Variants in PLXNB2 observed in about 807,000 individuals in gnomAD.
PLXNB2 encodes plexin B2, also known as plexin-B2.
PLXNB2 carries 85 observed loss-of-function variants against 202.6 expected under a neutral mutation model. That is an observed-to-expected ratio of 0.42 (90% CI 0.35 to 0.50). The LOEUF is 0.50. PLXNB2 is among the 20% of genes least tolerant of loss of function. The pLI, the probability that PLXNB2 is intolerant of heterozygous loss-of-function variation, is 0.02. For missense variants in PLXNB2, 2,063 were observed against 2,586.2 expected, an observed-to-expected ratio of 0.80 and a Z score of 4.39; for synonymous variants, 1,239 against 1,137.6, an observed-to-expected ratio of 1.09 and a Z score of -1.79.
chr22:50,277,831 C>G (rs373840978), intron 32 of PLXNB2, 22 bp downstream of exon 32: 3 of 1,608,086 alleles, frequency 1.9e-6, no homozygotes, highest in African/African-American at 1.3e-5. Flanking sequence ...GGCTGGGCCG[C>G]GGGGTGGGTG....
rs1317753302 is a variant in PLXNB2 at position 50,297,321 on chromosome 22, C to T, written c.-73-2543G>A. Among the ~76,000 whole-genome samples, 2 of 152,162 alleles carry T rather than the reference C, an allele frequency of 1.3e-5. No homozygotes were observed. The highest frequency in any genetic ancestry group is 2.9e-5 in the Non-Finnish European group (2 of 68,000). On this transcript the variant is annotated intron_variant, in intron 1 of 36. Transcript: ENST00000359337. This position sits in a 1 kb window ranked among gnomAD's most constrained non-coding sequence, Gnocchi z 5.3. ...GGCAGCCAAGGTCAGGGGAGGCTGGCTTCTGTCCCGCCCATCCCGCACGCC... is the reference window on the plus strand; with the variant it reads ...GGCAGCCAAGGTCAGGGGAGGCTGGTTTCTGTCCCGCCCATCCCGCACGCC...
intron 1 of PLXNB2, among the ~76,000 whole-genome samples, chr22:50,295,275 C>T (rs148553838): frequency 2.8e-4 from 41 of 147,452 alleles, no homozygotes; most frequent in South Asian, 1.9e-3. Context: ...GAGCGGAGAT[C>T]GCACCACTAC....
chr22:50,307,304 A>T (rs1236220848), intron 1 of PLXNB2, among the ~76,000 whole-genome samples: 4 of 151,570 alleles, frequency 2.6e-5, no homozygotes, highest in Non-Finnish European at 5.9e-5. Flanking sequence ...CTCCGGAGGG[A>T]CGCGCAGCCC....
chr22:50,276,996 C>T, intron 33 of PLXNB2, 90 bp from the exon 34 acceptor site: 2 of 866,844 alleles, frequency 2.3e-6, no homozygotes, highest in Non-Finnish European at 3.7e-6. Flanking sequence ...CTGCCCCGAA[C>T]TCCTGACACT....
chr22:50,287,609 G>A (rs540054878), intron 7 of PLXNB2, 58 bp downstream of exon 7: 8 of 1,469,046 alleles, frequency 5.4e-6, no homozygotes, highest in South Asian at 3.7e-5. Context: ...CAGCATGGGG[G>A]AGCCCCCACC....
chr22:50,300,034 G>A (rs1352180478), intron 1 of PLXNB2, among the ~76,000 whole-genome samples: 1 of 152,034 alleles, frequency 6.6e-6, no homozygotes, highest in Non-Finnish European at 1.5e-5. Context: ...CCTCGGCGCC[G>A]CCCACTGCCC....
rs1346427963 is a variant in PLXNB2 at position 50,285,894 on chromosome 22, C to A, written c.1994G>T (p.Ser665Ile). The change falls in exon 11 of 37, where the codon AGC becomes ATC. Residue 665 changes from serine to isoleucine, a missense_variant. Ser to Ile is a moderately radical substitution (Grantham distance 142). This residue lies in a region of PLXNB2 where 1,303 missense variants were observed against 1,476.8 expected (regional missense o/e 0.88). Coordinates refer to ENST00000359337, the MANE Select transcript of PLXNB2 (RefSeq NM_012401.4). ...DGIVRAHMED[S>I]CPQFLGPSPL... ...GCTGGGTCCCAGGAACTGGGGACAG[C>A]TGTCCTCCTGGGAGAGTAAGGCTGG... is the stretch of plus-strand genomic sequence containing the variant. 1 of 1,612,148 alleles carries A rather than the reference C, an allele frequency of 6.2e-7. No individual in the cohort carries two copies.
chr22:50,292,832 C>G (rs549022634), intron 2 of PLXNB2, among the ~76,000 whole-genome samples: 3 of 152,234 alleles, frequency 2.0e-5, no homozygotes, highest in Admixed American at 6.5e-5. Flanking sequence ...CCCCAGGGCC[C>G]GCATGAGTGA....
rs2147442039 is a variant in PLXNB2 at position 50,284,728 on chromosome 22, A to C, written c.2089-63T>G. 8.2e-7 allele frequency: 1 copy of C among 1,226,384 alleles called. No individual in the cohort carries two copies. The highest frequency in any genetic ancestry group is 1.2e-5 in the South Asian group (1 of 82,728). The allele number at this position is 1,226,384 out of a possible 1,614,324, so 76.0% of individuals were successfully genotyped here. On this transcript the variant is annotated intron_variant, in intron 11 of 36. Coordinates refer to ENST00000359337, the MANE Select transcript of PLXNB2 (RefSeq NM_012401.4). This position sits in a 1 kb window ranked among gnomAD's most constrained non-coding sequence, Gnocchi z 8.0. ...GTGGCACCCTGGCCCTCCTCCCAGA[A>C]CCCCTGCAGCCCCTCCTCTGTGCCT...
intron 2 of PLXNB2, among the ~76,000 whole-genome samples, chr22:50,292,038 C>G (rs1292766565): frequency 6.6e-6 from 1 of 152,240 alleles, no homozygotes. Context: ...CGCTTTCTCA[C>G]CACATATTTG....
chr22:50,280,635 C>T lies in PLXNB2; in HGVS notation c.4029G>A (p.Ser1343=), dbSNP rs200139695. 607 of 1,612,482 alleles carry T rather than the reference C, an allele frequency of 3.8e-4. 1 individual carries two copies. The highest frequency in any genetic ancestry group is 4.9e-4 in the Non-Finnish European group (573 of 1,179,856). ...ACGCGAAGTAGACCTTGGCGCGGGC[C>T]GAGAACTCCCGCTGGTTCTCCAGGG... ...IHTLENQREF[S]ARAKVYFASL... Residue 1343 remains serine (S), a synonymous_variant, in exon 25 of 37, where the codon TCG becomes TCA. Transcript: ENST00000359337.
chr22:50,297,845 C>T lies in PLXNB2; in HGVS notation c.-73-3067G>A, dbSNP rs1191406035. On this transcript the variant is annotated intron_variant, in intron 1 of 36. Transcript: ENST00000359337. The surrounding 1 kb of genome is among the most constrained non-coding windows in gnomAD (Gnocchi z 5.3). ...ATATGTAACCTGGGGGTCATTATGG[C>T]GCCCACCTCAGAGGGCTGCCTTGAG... 6.6e-6 allele frequency among the ~76,000 whole-genome samples: 1 copy of T among 152,140 alleles called. No individual in the cohort carries two copies. The highest frequency in any genetic ancestry group is 1.5e-5 in the Non-Finnish European group (1 of 68,018).
In PLXNB2 at chr22:50,279,989, C is replaced by A. The variant is rs1233933988; in HGVS notation, c.4242+16G>T. The A allele has an allele frequency of 1.3e-6, 2 of 1,591,508 alleles. No individual in the cohort carries two copies. The highest frequency in any genetic ancestry group is 1.7e-6 in the Non-Finnish European group (2 of 1,166,236). On this transcript the variant is annotated intron_variant, in intron 26 of 36. Coordinates refer to ENST00000359337, the MANE Select transcript of PLXNB2 (RefSeq NM_012401.4). ...CCTCATCCCTCAAGCCCCAGCCAGG[C>A]TGGGGTGGAACCCACCTTGAGGTAC...
In PLXNB2 at chr22:50,280,609, G is replaced by A; in HGVS notation, c.4055C>T (p.Ser1352Phe). The A allele has an allele frequency of 6.2e-7, 1 of 1,612,712 alleles. No individual in the cohort carries two copies. Among genetic ancestry groups the A allele is most frequent in the Non-Finnish European group, 8.5e-7 (1 of 1,179,896 alleles). ...FSARAKVYFA[S>F]LLTVALHGKL... ...CCCGTGCAGCGCCACCGTCAGCAGG[G>A]ACGCGAAGTAGACCTTGGCGCGGGC... is the stretch of plus-strand genomic sequence containing the variant. The change falls in exon 25 of 37, where the codon TCC becomes TTC. Residue 1352 changes from serine to phenylalanine, a missense_variant. Ser to Phe is a radical substitution (Grantham distance 155). Coordinates refer to ENST00000359337, the MANE Select transcript of PLXNB2 (RefSeq NM_012401.4).
Position 50,292,293 on chromosome 22 carries a change from G to A in PLXNB2, c.-13-1696C>T, listed in dbSNP as rs1256082929. Among the ~76,000 whole-genome samples the A allele has an allele frequency of 4.4e-5, 6 of 136,966 alleles. No homozygotes were observed. In the East Asian group the frequency reaches 8.5e-4, roughly 19 times the overall value. 89.9% of individuals were successfully genotyped at this position (136,966 alleles called of 152,430 possible). The stretch of plus-strand genomic sequence containing the variant: ...GCGGAGGTTGCAGCGAGCCAAGATT[G>A]CACCACTGCACTCCAGCCTGGGTGA... On this transcript the variant is annotated intron_variant, in intron 2 of 36. Transcript: ENST00000359337.
chr22:50,288,680 C>G lies in PLXNB2; in HGVS notation c.1380+63G>C. ...CTGGCCCCCAGGCCTGTCCTAAGGG[C>G]CTGGGATGCAATGACCGGGCACACT... On this transcript the variant is annotated intron_variant, in intron 5 of 36. Coordinates refer to ENST00000359337, the MANE Select transcript of PLXNB2 (RefSeq NM_012401.4). The surrounding 1 kb of genome is among the most constrained non-coding windows in gnomAD (Gnocchi z 5.0). The G allele has an allele frequency of 6.3e-7, 1 of 1,597,192 alleles. No homozygotes were observed. The highest frequency in any genetic ancestry group is 2.0e-4 in the Middle Eastern group (1 of 4,892).
At chr22:50,294,856 G>A in intron 1 of PLXNB2, 78 bp from the exon 2 acceptor site, 2 of 744,468 alleles carry the variant, frequency 2.7e-6, no homozygotes, top group Non-Finnish European at 3.3e-6. Context: ...TCCCATGCTG[G>A]TGGGGCTTGG....
At position 50,278,966 on chromosome 22, in the gene PLXNB2, C is replaced by T; in HGVS notation, c.4435G>A (p.Val1479Met). 2.5e-6 allele frequency: 4 copies of T among 1,613,702 alleles called. No individual in the cohort carries two copies. In the South Asian group the frequency reaches 4.4e-5, roughly 18 times the overall value. The change falls in exon 28 of 37, where the codon GTG (valine) becomes ATG (methionine). Residue 1479 changes from valine to methionine, a missense_variant. By Grantham distance (21) the Val-to-Met change is conservative. Around this residue, in one of 2 missense-constraint regions of PLXNB2, gnomAD observed 760 missense variants for 1,109.4 expected, o/e 0.69. Transcript: ENST00000359337. ...ATGGTGTCACAGTTGAGGACCTTCA[C>T]CGGGATGGCGTCCACTCCCTCGTCC... ...VQDEGVDAIP[V>M]KVLNCDTISQ...
chr22:50,281,990 G>T lies in PLXNB2; in HGVS notation c.3209C>A (p.Thr1070Lys), dbSNP rs1375773688. Residue 1070 changes from threonine (T) to lysine (K), a missense_variant, in exon 20 of 37, where the codon ACG becomes AAG. Thr to Lys is a moderately conservative substitution (Grantham distance 78, BLOSUM62 -1). Around this residue, in one of 2 missense-constraint regions of PLXNB2, gnomAD observed 760 missense variants for 1,109.4 expected, o/e 0.69. Coordinates refer to ENST00000359337, the MANE Select transcript of PLXNB2 (RefSeq NM_012401.4). ...GTGCCCGTCCATCTCGATCAGCACC[G>T]TGAGGTTGTAGGCCTCTGGCTCCTC... Reference protein sequence around the residue: ...VPEEPEAYNLTVLIEMDGHRA... With the variant: ...VPEEPEAYNLKVLIEMDGHRA... 6.2e-7 allele frequency: 1 copy of T among 1,612,932 alleles called. No homozygotes were observed. Among genetic ancestry groups the T allele is most frequent in the Non-Finnish European group, 8.5e-7 (1 of 1,179,934 alleles).
Sources: gnomAD v4.1 joint callset for allele counts (sites outside exome capture counted in the v4.1 genomes callset) on GRCh38, gnomAD v4.1.1 for gene constraint, gnomAD v4.1.1 regional missense constraint, Gnocchi (gnomAD v3.1) non-coding constraint, MANE v1.5 for transcripts, NCBI Gene and HGNC (gene_info 2026-07-23, HGNC 2026-07-21) for gene names.